ROPN1: variants seen among roughly 807,000 people sequenced by gnomAD.
ROPN1 encodes the protein ropporin-1A.
A neutral mutation model predicts 20.5 loss-of-function variants in ROPN1; 14 were observed. The observed-to-expected ratio is 0.68, with a 90% CI of 0.45 to 1.07. ROPN1 has a LOEUF of 1.07. Among genes scored for constraint, ROPN1 ranks in the 50% least tolerant of loss-of-function variants. ROPN1 has a pLI of 0.00. For synonymous variants in ROPN1, 76 were observed against 95.7 expected (o/e 0.79, Z 1.20); for missense variants, 169 against 242.8 (o/e 0.70, Z 2.02).
intron 1 of ROPN1, among the ~76,000 whole-genome samples, chr3:123,989,236 A>T (rs915937688): frequency 4.6e-5 from 7 of 152,200 alleles, no homozygotes; most frequent in Non-Finnish European, 8.8e-5. Flanking sequence ...ACAAAGCAGG[A>T]GTGGTTGGGC....
intron 1 of ROPN1, among the ~76,000 whole-genome samples, chr3:123,986,235 C>A (rs1402142021): frequency 6.6e-6 from 1 of 151,108 alleles, no homozygotes; most frequent in Non-Finnish European, 1.5e-5. Context: ...GGCCTATAGT[C>A]TCCTTAAGTA....
chr3:123,989,043 G>C (rs920474368), intron 1 of ROPN1, among the ~76,000 whole-genome samples: 1 of 152,178 alleles, frequency 6.6e-6, no homozygotes, highest in Admixed American at 6.6e-5. Context: ...AACCTGGTTT[G>C]TTCATTGCTG....
At chr3:123,969,685 G>A (rs560129071) in intron 5 of ROPN1, among the ~76,000 whole-genome samples, 3 of 152,214 alleles carry the variant, frequency 2.0e-5, no homozygotes, top group Admixed American at 6.5e-5. Flanking sequence ...ATAGCTAAGC[G>A]TGAGTCAGAG....
intron 1 of ROPN1, among the ~76,000 whole-genome samples, chr3:123,987,286 T>C (rs2038283590): frequency 6.6e-6 from 1 of 152,248 alleles, no homozygotes; most frequent in Non-Finnish European, 1.5e-5. Context: ...CCAGAGCTGT[T>C]GTGGTTCAAA....
intron 1 of ROPN1, 122 bp downstream of exon 1, chr3:123,991,800 C>T (rs1390420837): frequency 1.8e-4 from 27 of 152,546 alleles, no homozygotes; most frequent in African/African-American, 5.8e-4. Flanking sequence ...TTCCCCTTGC[C>T]CTGTGAACAA....
At chr3:123,978,718 C>T (rs1317635441) in intron 2 of ROPN1, 1 of 152,712 alleles carries the variant, frequency 6.5e-6, no homozygotes, top group African/African-American at 2.4e-5. Context: ...CTCTAAAATG[C>T]TACAGGTTTT....
At chr3:123,990,062 G>T (rs2038367910) in intron 1 of ROPN1, among the ~76,000 whole-genome samples, 1 of 152,044 alleles carries the variant, frequency 6.6e-6, no homozygotes, top group Non-Finnish European at 1.5e-5. Flanking sequence ...ATTTCTCTTT[G>T]TTGGACTCTG....
chr3:123,973,329 T>C (rs1419155965), intron 4 of ROPN1, among the ~76,000 whole-genome samples: 3 of 152,096 alleles, frequency 2.0e-5, no homozygotes, highest in African/African-American at 7.2e-5. Flanking sequence ...TTCTTTGACA[T>C]GGGGATGATG....
At chr3:123,974,669 C>G (rs557656328) in intron 4 of ROPN1, 1 of 152,748 alleles carries the variant, frequency 6.5e-6, no homozygotes, top group African/African-American at 2.4e-5. Flanking sequence ...CTCAGGGATT[C>G]TTTTAAAAAA....
chr3:123,976,748 T>C (rs2038031850), intron 3 of ROPN1, 116 bp downstream of exon 3: 1 of 929,552 alleles, frequency 1.1e-6, no homozygotes, highest in African/African-American at 1.6e-5. Context: ...TAGTGTATTT[T>C]AGGGTGGTGC....
At chr3:123,981,411 T>A (rs2038143999) in intron 1 of ROPN1, 1 of 153,606 alleles carries the variant, frequency 6.5e-6, no homozygotes, top group African/African-American at 2.4e-5. Context: ...AACTTGCAGC[T>A]TTGAGATAAA....
At chr3:123,986,497 T>C in intron 1 of ROPN1, among the ~76,000 whole-genome samples, 1 of 151,920 alleles carries the variant, frequency 6.6e-6, no homozygotes, top group South Asian at 2.1e-4. Context: ...CAAGTCCAGG[T>C]GACTTCTCTG....
At chr3:123,979,259 A>G (rs945411047) in intron 2 of ROPN1, 20 of 353,526 alleles carry the variant, frequency 5.7e-5, no homozygotes, top group South Asian at 1.9e-4. Context: ...CCCCTCTTAG[A>G]TGCCATTTTG....
intron 1 of ROPN1, among the ~76,000 whole-genome samples, chr3:123,990,021 A>T (rs1358051529): frequency 6.6e-6 from 1 of 152,164 alleles, no homozygotes; most frequent in African/African-American, 2.4e-5. Flanking sequence ...CTCTTGTTAA[A>T]TTATATGCTC....
chr3:123,983,762 A>G (rs2038198636), intron 1 of ROPN1, among the ~76,000 whole-genome samples: 1 of 152,044 alleles, frequency 6.6e-6, no homozygotes, highest in Non-Finnish European at 1.5e-5. Context: ...TGCCAGGTGC[A>G]CTCATAACAG....
At chr3:123,989,338 C>T (rs899514451) in intron 1 of ROPN1, among the ~76,000 whole-genome samples, 1 of 152,194 alleles carries the variant, frequency 6.6e-6, no homozygotes, top group African/African-American at 2.4e-5. Flanking sequence ...ACAAGAGTCA[C>T]ACAATCAGTG....
At chr3:123,976,239 A>G (rs2038019618) in intron 3 of ROPN1, among the ~76,000 whole-genome samples, 1 of 152,180 alleles carries the variant, frequency 6.6e-6, no homozygotes. Flanking sequence ...GTGAAATGCT[A>G]AGCCTCTGGG....
intron 1 of ROPN1, chr3:123,980,744 CA>C (rs999321122): frequency 1.7e-4 from 64 of 372,618 alleles, no homozygotes; most frequent in Middle Eastern, 7.0e-4. Context: ...TGGAGGTCAG[CA>C]AAAAATTCCC....
chr3:123,980,640 C>A, intron 1 of ROPN1, 147 bp from the exon 2 acceptor site: 1 of 618,666 alleles, frequency 1.6e-6, no homozygotes, highest in Non-Finnish European at 2.7e-6. Context: ...TACACAACGC[C>A]AAGGTTAGAA....
Sources: gnomAD v4.1 joint callset for allele counts (sites outside exome capture counted in the v4.1 genomes callset) on GRCh38, gnomAD v4.1.1 for gene constraint, MANE v1.5 for transcripts, NCBI Gene and HGNC (gene_info 2026-07-23, HGNC 2026-07-21) for gene names.